The following NOL4L variants were observed in gnomAD, a reference collection of about 807,000 sequenced individuals.
NOL4L encodes the protein nucleolar protein 4-like.
NOL4L carries 7 observed loss-of-function variants against 64.5 expected under a neutral mutation model. The observed-to-expected ratio is 0.11, with a 90% CI of 0.06 to 0.20. The LOEUF is 0.20. NOL4L is among the 10% of genes least tolerant of loss of function. The pLI is 1.00. For synonymous variants in NOL4L, 413 were observed against 401.0 expected (o/e 1.03, Z -0.36); for missense variants, 680 against 967.1 (o/e 0.70, Z 3.94).
chr20:32,510,172 T>A (rs556072108), intron 4 of NOL4L: 1 of 366,068 alleles, frequency 2.7e-6, no homozygotes, highest in African/African-American at 2.1e-5. Context: ...GATGCAACCA[T>A]CCCAGAACAG....
At chr20:32,565,513 C>T (rs1349475302) in intron 1 of NOL4L, among the ~76,000 whole-genome samples, 2 of 152,154 alleles carry the variant, frequency 1.3e-5, no homozygotes, top group East Asian at 3.8e-4. Context: ...TCTCTCCTGC[C>T]CCGCACCCCC....
chr20:32,493,285 C>T (rs1345562865), intron 4 of NOL4L, among the ~76,000 whole-genome samples: 1 of 152,148 alleles, frequency 6.6e-6, no homozygotes, highest in Admixed American at 6.5e-5. Context: ...GAGAAAGAGG[C>T]AGGCAGCACC....
At position 32,507,358 on chromosome 20, in the gene NOL4L, G is replaced by A. The variant is rs1008183841; in HGVS notation, c.699+3989C>T. Among the ~76,000 whole-genome samples, 5 of 152,180 alleles carry A rather than the reference G, an allele frequency of 3.3e-5. No homozygotes were observed. The East Asian group carries it at 9.6e-4, about 29-fold the overall frequency. On this transcript the variant is annotated intron_variant, in intron 4 of 10. Coordinates refer to ENST00000621426, the MANE Select transcript of NOL4L (RefSeq NM_001256798.2). ...GAGGGTGGAGTCTAACCCCCATAGC[G>A]GTGCCTTGTACATTGAGGACACTAT...
chr20:32,483,605 G>A (rs1310651203), intron 4 of NOL4L: 2 of 587,422 alleles, frequency 3.4e-6, no homozygotes, highest in South Asian at 7.8e-5. Flanking sequence ...AAGGGGGAGG[G>A]GGCACCGGGC....
rs555581289 is a variant in NOL4L at position 32,516,438 on chromosome 20, G to A, written c.589+4373C>T. 2.0e-5 allele frequency among the ~76,000 whole-genome samples: 3 copies of A among 152,286 alleles called. No individual in the cohort carries two copies. In the South Asian group the frequency reaches 6.2e-4, roughly 32 times the overall value. On this transcript the variant is annotated intron_variant, in intron 3 of 10. Coordinates refer to ENST00000621426, the MANE Select transcript of NOL4L (RefSeq NM_001256798.2). ...GGAAACAAGGGTGAAGGATGAGCAGGGTGCGACAGACGTGAGGCCATTAGG... is the reference window on the plus strand; with the variant it reads ...GGAAACAAGGGTGAAGGATGAGCAGAGTGCGACAGACGTGAGGCCATTAGG...
intron 3 of NOL4L, chr20:32,520,116 C>T (rs2017863498): frequency 6.6e-6 from 1 of 152,162 alleles, no homozygotes; most frequent in East Asian, 1.9e-4. Context: ...AACCCCATCT[C>T]TACTAAAAAT....
chr20:32,552,641 C>G (rs1978376972), intron 1 of NOL4L, among the ~76,000 whole-genome samples: 1 of 151,146 alleles, frequency 6.6e-6, no homozygotes, highest in Admixed American at 6.6e-5. Context: ...GAGCCAAGAT[C>G]ATGCCACTGC....
chr20:32,484,195 G>C (rs2015938918), intron 4 of NOL4L, among the ~76,000 whole-genome samples: 1 of 152,136 alleles, frequency 6.6e-6, no homozygotes, highest in South Asian at 2.1e-4. Context: ...CGGGTCCCCA[G>C]GGACGCGGGT....
chr20:32,584,751 C>T lies in NOL4L; in HGVS notation c.140G>A (p.Ser47Asn). ...GACCTCGGCGATCCGCTGGTATTTG[C>T]TGCGTGTCACCGTCTTGGTTTTGGC... ...DSAKTKTVTR[S>N]KYQRIAEVLQ... The change falls in exon 1 of 11, where the codon AGC (serine) becomes AAC (asparagine). Residue 47 changes from serine (S) to asparagine (N), a missense_variant. Ser to Asn is a conservative substitution (Grantham distance 46). Around this residue, in one of 4 missense-constraint regions of NOL4L, gnomAD observed 181 missense variants for 335.2 expected, o/e 0.54. Transcript: ENST00000621426. 1.3e-6 allele frequency: 2 copies of T among 1,546,638 alleles called. No individual in the cohort carries two copies. The highest frequency in any genetic ancestry group is 1.7e-6 in the Non-Finnish European group (2 of 1,145,636).
chr20:32,517,327 CTG>C (rs1413736510), intron 3 of NOL4L, among the ~76,000 whole-genome samples: 1 of 152,240 alleles, frequency 6.6e-6, no homozygotes, highest in African/African-American at 2.4e-5. Context: ...GGGTCTGCCT[CTG>C]GGGCTGGTGC....
chr20:32,458,182 C>G (rs2013730736), intron 5 of NOL4L, among the ~76,000 whole-genome samples: 1 of 152,206 alleles, frequency 6.6e-6, no homozygotes, highest in South Asian at 2.1e-4. Flanking sequence ...TTTCCTGTAG[C>G]TGAGTAAGAG....
At chr20:32,456,669 C>T (rs971167301) in intron 5 of NOL4L, among the ~76,000 whole-genome samples, 1 of 152,216 alleles carries the variant, frequency 6.6e-6, no homozygotes, top group Non-Finnish European at 1.5e-5. Context: ...AACTCGCAAG[C>T]GTTATGTCCA....
At chr20:32,580,667 C>T (rs534571962) in intron 1 of NOL4L, among the ~76,000 whole-genome samples, 2 of 152,302 alleles carry the variant, frequency 1.3e-5, no homozygotes, top group East Asian at 3.9e-4. Context: ...GGCAGGTCCA[C>T]GGAGAAGCTA....
At chr20:32,559,765 G>A (rs1039491878) in intron 1 of NOL4L, among the ~76,000 whole-genome samples, 1 of 152,234 alleles carries the variant, frequency 6.6e-6, no homozygotes, top group Admixed American at 6.5e-5. Flanking sequence ...GGCCCCAGAA[G>A]GACACAGTCA....
intron 3 of NOL4L, among the ~76,000 whole-genome samples, chr20:32,514,567 CTTTTT>C (rs2017566337): frequency 6.6e-6 from 1 of 151,898 alleles, no homozygotes; most frequent in African/African-American, 2.4e-5. Flanking sequence ...CCTCCTCCTC[CTTTTT>C]TTAAGAGAGA....
intron 3 of NOL4L, chr20:32,519,548 T>C (rs2017833022): frequency 6.6e-6 from 1 of 152,240 alleles, no homozygotes; most frequent in African/African-American, 2.4e-5. Context: ...GAAACCCTGA[T>C]AAATCGCCCA....
intron 5 of NOL4L, among the ~76,000 whole-genome samples, chr20:32,462,558 G>A (rs1372624448): frequency 6.6e-6 from 1 of 151,664 alleles, no homozygotes; most frequent in Non-Finnish European, 1.5e-5. Flanking sequence ...AGAGAGACTG[G>A]GGGCAGTTGG....
chr20:32,502,700 C>T (rs1044422756), intron 4 of NOL4L, among the ~76,000 whole-genome samples: 1 of 151,812 alleles, frequency 6.6e-6, no homozygotes, highest in Non-Finnish European at 1.5e-5. Context: ...CACCTGAGGT[C>T]AGGAGTTCGA....
At chr20:32,492,390 G>A (rs1343414636) in intron 4 of NOL4L, among the ~76,000 whole-genome samples, 1 of 152,226 alleles carries the variant, frequency 6.6e-6, no homozygotes, top group East Asian at 1.9e-4. Context: ...GCTCCTAGAA[G>A]TCAGGTCAGT....
Sources: allele counts gnomAD v4.1 joint callset (sites outside exome capture counted in the v4.1 genomes callset), GRCh38; gene constraint gnomAD v4.1.1; regional missense constraint gnomAD v4.1.1; transcripts MANE v1.5; gene names NCBI Gene and HGNC (gene_info 2026-07-23, HGNC 2026-07-21).